AEBP2: variants seen among roughly 807,000 people sequenced by gnomAD.
AEBP2 encodes AE binding protein 2, also known as zinc finger protein AEBP2.
AEBP2 carries 10 observed loss-of-function variants against 50.8 expected under a neutral mutation model. That is an observed-to-expected ratio of 0.20 (90% confidence interval 0.12 to 0.33). The LOEUF (loss-of-function observed/expected upper bound fraction) is 0.33, where lower values mean the gene tolerates loss of function less well. Among genes scored for constraint, AEBP2 ranks in the 10% least tolerant of loss-of-function variants. AEBP2 has a pLI of 1.00. For synonymous variants in AEBP2, 296 were observed against 261.3 expected, an observed-to-expected ratio of 1.13 and a Z score of -1.28; for missense variants, 570 against 688.0, an observed-to-expected ratio of 0.83 and a Z score of 1.92.
At chr12:19,495,653 C>G (rs553286468) in intron 4 of AEBP2, among the ~76,000 whole-genome samples, 3 of 151,648 alleles carry the variant, frequency 2.0e-5, no homozygotes, top group Non-Finnish European at 2.9e-5. Flanking sequence ...GCAATTCTCC[C>G]ACCTCAGCCT....
intron 1 of AEBP2, among the ~76,000 whole-genome samples, chr12:19,420,477 G>A (rs2095745082): frequency 6.6e-6 from 1 of 151,148 alleles, no homozygotes; most frequent in Admixed American, 6.6e-5. Flanking sequence ...GGGATTACAG[G>A]TGTGCACCAC....
At chr12:19,466,901 C>A in intron 2 of AEBP2, 1 of 725,556 alleles carries the variant, frequency 1.4e-6, no homozygotes, top group Non-Finnish European at 1.7e-6. Flanking sequence ...TTTCTCATTC[C>A]ACTATAATCT....
chr12:19,465,927 G>T (rs1327767261), intron 2 of AEBP2, among the ~76,000 whole-genome samples: 2 of 151,576 alleles, frequency 1.3e-5, no homozygotes, highest in East Asian at 3.9e-4. Context: ...GAGTAGCTGG[G>T]ATTACAAGTG....
At chr12:19,414,903 A>G (rs996520432) in intron 1 of AEBP2, among the ~76,000 whole-genome samples, 1 of 151,524 alleles carries the variant, frequency 6.6e-6, no homozygotes, top group Non-Finnish European at 1.5e-5. Flanking sequence ...AGCTTGGGCA[A>G]CAGAATAAGA....
At chr12:19,508,261 A>G (rs938144672) in intron 5 of AEBP2, among the ~76,000 whole-genome samples, 3 of 152,174 alleles carry the variant, frequency 2.0e-5, no homozygotes, top group Admixed American at 2.0e-4. Context: ...GGGATTCACC[A>G]TGTTGTCCAG....
chr12:19,421,463 A>G (rs1213580415), intron 1 of AEBP2, among the ~76,000 whole-genome samples: 1 of 151,724 alleles, frequency 6.6e-6, no homozygotes, highest in African/African-American at 2.4e-5. Flanking sequence ...ACCAGTCTGG[A>G]AAAGAAAAAT....
rs1948727816 is a variant in AEBP2, at chr12:19,481,409, G to A, written c.987+8054G>A. ...TGAGCCACTGTGCCTGGCCTTCAGT[G>A]CGTTTTCTGTTTCTCTTAAGTGTGC... On this transcript the variant is annotated intron_variant, in intron 3 of 7. Coordinates refer to ENST00000266508, the MANE Select transcript of AEBP2 (RefSeq NM_153207.5). Among the ~76,000 whole-genome samples, 5 of 151,460 alleles carry A rather than the reference G, an allele frequency of 3.3e-5. No homozygotes were observed. The South Asian group carries it at 1.0e-3, about 31-fold the overall frequency.
intron 1 of AEBP2, chr12:19,413,123 C>G: frequency 1.4e-6 from 1 of 696,390 alleles, no homozygotes; most frequent in Non-Finnish European, 2.7e-6. Flanking sequence ...TTCCGGAATT[C>G]ATTTGTTCTG....
upstream of AEBP2, among the ~76,000 whole-genome samples, chr12:19,436,587 C>T (rs372008057): frequency 2.9e-5 from 4 of 139,902 alleles, no homozygotes; most frequent in African/African-American, 5.3e-5. Context: ...TTTCTTTTTT[C>T]TTTTTTTTTT....
At chr12:19,479,717 G>GTTTTTTTTTTTT (rs369410408) in intron 3 of AEBP2, among the ~76,000 whole-genome samples, 5 of 22,348 alleles carry the variant, frequency 2.2e-4, no homozygotes, top group Admixed American at 5.9e-4. Context: ...CTCTTTGTGG[G>GTTTTTTTTTTTT]TTTTTTTTTT....
intron 4 of AEBP2, among the ~76,000 whole-genome samples, chr12:19,497,591 G>C (rs1233973266): frequency 6.6e-6 from 1 of 152,064 alleles, no homozygotes; most frequent in African/African-American, 2.4e-5. Context: ...CCGTGCGTCA[G>C]CTTCTTGAGT....
rs1949349935 is a variant in AEBP2, at chr12:19,518,381, T to C, written c.*264T>C. The C allele has an allele frequency of 1.6e-6, 2 of 1,231,244 alleles. No individual in the cohort carries two copies. Among genetic ancestry groups the C allele is most frequent in the Non-Finnish European group, 2.0e-6 (2 of 985,870 alleles). The allele number at this position is 1,231,244 out of a possible 1,614,324, so 76.3% of individuals were successfully genotyped here. Reference sequence around the variant, plus strand: ...TGTGGGAGACTGAGCAAACACTCTTTTGGCAACTTAGTAGAACAGCTTCTT... The same window carrying C: ...TGTGGGAGACTGAGCAAACACTCTTCTGGCAACTTAGTAGAACAGCTTCTT... On this transcript the variant is annotated 3_prime_UTR_variant, in exon 8 of 8. Coordinates refer to ENST00000266508, the MANE Select transcript of AEBP2 (RefSeq NM_153207.5).
At chr12:19,507,553 A>G (rs1446552336) in intron 5 of AEBP2, among the ~76,000 whole-genome samples, 1 of 152,246 alleles carries the variant, frequency 6.6e-6, no homozygotes. Context: ...ATATATTGTA[A>G]GCTTAAAAAC....
intron 4 of AEBP2, among the ~76,000 whole-genome samples, chr12:19,499,639 A>C (rs1949037478): frequency 6.6e-6 from 1 of 151,910 alleles, no homozygotes; most frequent in Non-Finnish European, 1.5e-5. Context: ...AAAACCTCAA[A>C]ATAATATTAT....
At chr12:19,467,742 TA>T (rs1258239776) in intron 2 of AEBP2, among the ~76,000 whole-genome samples, 1 of 152,214 alleles carries the variant, frequency 6.6e-6, no homozygotes, top group Non-Finnish European at 1.5e-5. Context: ...TAAAATATAT[TA>T]CTGTTCTTTC....
intron 2 of AEBP2, among the ~76,000 whole-genome samples, chr12:19,471,834 A>G (rs1948578327): frequency 6.6e-6 from 1 of 152,142 alleles, no homozygotes; most frequent in African/African-American, 2.4e-5. Flanking sequence ...TCGGGTGCAT[A>G]TAAGTATTGC....
chr12:19,463,921 C>T (rs1330430453), intron 2 of AEBP2, among the ~76,000 whole-genome samples: 1 of 152,162 alleles, frequency 6.6e-6, no homozygotes, highest in Admixed American at 6.5e-5. Context: ...CCACCTCGGC[C>T]TCCCAGAGTG....
intron 2 of AEBP2, among the ~76,000 whole-genome samples, chr12:19,465,877 C>T (rs780318964): frequency 2.7e-5 from 4 of 150,554 alleles, no homozygotes; most frequent in African/African-American, 4.9e-5. Flanking sequence ...CTACAGCCTC[C>T]GTCTCCTGGG....
Position 19,439,602 on chromosome 12 carries a change from G to C in AEBP2, c.-98G>C. ...CTCCTCCTGCTCTGCAGCGGCGTCG[G>C]CGGAGTTTTGGGCGTTTGGGAGGGG... On this transcript the variant is annotated 5_prime_UTR_variant, in exon 1 of 8. Coordinates refer to ENST00000266508, the MANE Select transcript of AEBP2 (RefSeq NM_153207.5). 1.4e-6 allele frequency: 2 copies of C among 1,428,996 alleles called. No individual in the cohort carries two copies. The highest frequency in any genetic ancestry group is 2.7e-5 in the East Asian group (1 of 36,790). 88.5% of individuals were successfully genotyped at this position (1,428,996 alleles called of 1,614,324 possible).
Sources: allele counts gnomAD v4.1 joint callset (sites outside exome capture counted in the v4.1 genomes callset), GRCh38; gene constraint gnomAD v4.1.1; transcripts MANE v1.5; gene names NCBI Gene and HGNC (gene_info 2026-07-23, HGNC 2026-07-21).